Variants in ITGA1 observed in about 807,000 individuals in gnomAD.
ITGA1 encodes integrin subunit alpha 1, also known as integrin alpha-1.
In ITGA1, 85 loss-of-function variants were observed where a neutral mutation model predicts 145.9. The ratio of observed to expected loss-of-function variants is 0.58; its 90% CI spans 0.49 to 0.70. The LOEUF (loss-of-function observed/expected upper bound fraction) is 0.70, where lower values mean the gene tolerates loss of function less well. ITGA1 is among the 30% of genes least tolerant of loss of function. The pLI is 0.00. For missense variants in ITGA1, 1,351 were observed against 1,418.7 expected, an observed-to-expected ratio of 0.95 and a Z score of 0.77; for synonymous variants, 520 against 495.3, an observed-to-expected ratio of 1.05 and a Z score of -0.66.
intron 7 of ITGA1, among the ~76,000 whole-genome samples, chr5:52,886,977 C>G (rs891180242): frequency 4.6e-5 from 7 of 152,086 alleles, no homozygotes; most frequent in African/African-American, 1.4e-4. Flanking sequence ...CGGGGTTTCA[C>G]CTTCTTAGCC....
intron 27 of ITGA1, among the ~76,000 whole-genome samples, chr5:52,945,665 A>C (rs1205710863): frequency 6.6e-6 from 1 of 152,194 alleles, no homozygotes; most frequent in Non-Finnish European, 1.5e-5. Context: ...TTACACATGC[A>C]GGCACTTCAG....
intron 1 of ITGA1, chr5:52,800,575 G>C: frequency 1.2e-6 from 2 of 1,613,652 alleles, no homozygotes; most frequent in Non-Finnish European, 1.7e-6. Flanking sequence ...CAGCAACCGG[G>C]TCCGCACTAC....
chr5:52,793,810 TA>T (rs2111645466), intron 1 of ITGA1, among the ~76,000 whole-genome samples: 1 of 152,184 alleles, frequency 6.6e-6, no homozygotes, highest in Non-Finnish European at 1.5e-5. Context: ...CCAAATGCTC[TA>T]TCTTTAGAAG....
chr5:52,800,153 GC>G (rs1193342591), intron 1 of ITGA1: 1 of 544,550 alleles, frequency 1.8e-6, no homozygotes, highest in Non-Finnish European at 3.3e-6. Context: ...GTAGATTTTC[GC>G]TGCAGTGTTC....
At chr5:52,932,333 C>A (rs1579727056) in intron 22 of ITGA1, 197 bp downstream of exon 22, 4 of 522,836 alleles carry the variant, frequency 7.7e-6, no homozygotes, top group Non-Finnish European at 1.0e-5. Context: ...TCTCATGCAT[C>A]CTAATGTTTG....
chr5:52,841,309 T>C (rs1749250649), intron 1 of ITGA1, among the ~76,000 whole-genome samples: 1 of 152,196 alleles, frequency 6.6e-6, no homozygotes, highest in South Asian at 2.1e-4. Flanking sequence ...GTATTTGAGA[T>C]TATGATGTCA....
chr5:52,894,569 T>A (rs1262007835), intron 9 of ITGA1, among the ~76,000 whole-genome samples: 2 of 152,118 alleles, frequency 1.3e-5, no homozygotes, highest in Non-Finnish European at 2.9e-5. Flanking sequence ...CTGGCAAAGC[T>A]TCTTTCTTCA....
intron 7 of ITGA1, 65 bp from the exon 8 acceptor site, chr5:52,887,749 GT>G: frequency 6.8e-7 from 1 of 1,481,054 alleles, no homozygotes; most frequent in Non-Finnish European, 9.1e-7. Context: ...TTTTTGTTTA[GT>G]TTTTTACTTT....
intron 26 of ITGA1, among the ~76,000 whole-genome samples, chr5:52,944,501 T>C (rs1254241302): frequency 6.6e-6 from 1 of 152,178 alleles, no homozygotes; most frequent in Non-Finnish European, 1.5e-5. Flanking sequence ...ATTATTTACT[T>C]GATAATTTGG....
chr5:52,929,435 C>A (rs565023369), intron 20 of ITGA1, among the ~76,000 whole-genome samples, 190 bp from the exon 21 acceptor site: 1 of 152,170 alleles, frequency 6.6e-6, no homozygotes, highest in African/African-American at 2.4e-5. Flanking sequence ...TAGACATTCA[C>A]ATTGAAAAAG....
chr5:52,810,472 T>A (rs1008731202), intron 1 of ITGA1, among the ~76,000 whole-genome samples: 3 of 152,208 alleles, frequency 2.0e-5, no homozygotes, highest in Admixed American at 2.0e-4. Flanking sequence ...GGATTGGATA[T>A]GGTAGAAGGA....
At chr5:52,790,448 C>G (rs1350064182) in intron 1 of ITGA1, among the ~76,000 whole-genome samples, 1 of 152,192 alleles carries the variant, frequency 6.6e-6, no homozygotes, top group Non-Finnish European at 1.5e-5. Flanking sequence ...TCAGAAGTAT[C>G]ACTGGGCTAG....
At chr5:52,829,486 CG>C (rs1335061962) in intron 1 of ITGA1, among the ~76,000 whole-genome samples, 2 of 152,064 alleles carry the variant, frequency 1.3e-5, no homozygotes, top group African/African-American at 4.8e-5. Flanking sequence ...AAAAAATTCA[CG>C]GGATGCTCAC....
At chr5:52,946,494 A>G (rs1751137490) in intron 27 of ITGA1, among the ~76,000 whole-genome samples, 1 of 152,236 alleles carries the variant, frequency 6.6e-6, no homozygotes, top group Admixed American at 6.5e-5. Context: ...ATGCATATAC[A>G]AATCTCTCCC....
At chr5:52,892,927 T>C (rs941857381) in intron 8 of ITGA1, among the ~76,000 whole-genome samples, 3 of 152,144 alleles carry the variant, frequency 2.0e-5, no homozygotes, top group Non-Finnish European at 4.4e-5. Context: ...CACAACTATA[T>C]TGGTTTGTCA....
At position 52,881,926 on chromosome 5, in the gene ITGA1, G is replaced by A. The variant is rs1035708793; in HGVS notation, c.678G>A (p.Lys226=). 1 of 1,613,894 alleles carries A rather than the reference G, an allele frequency of 6.2e-7. No individual in the cohort carries two copies. The highest frequency in any genetic ancestry group is 1.1e-5 in the South Asian group (1 of 91,040). ...TGACCCATGAGTTCAACCTCAATAA[G>A]TATTCTTCCACCGAAGAGGTACTTG... ...ENVTHEFNLN[K]YSSTEEVLVA... is the part of the protein sequence containing the mutation. Residue 226 remains lysine, a synonymous_variant, in exon 7 of 29, where the codon AAG becomes AAA. Transcript: ENST00000282588.
At chr5:52,925,584 T>C (rs1750793728) in intron 19 of ITGA1, 97 bp downstream of exon 19, 4 of 922,796 alleles carry the variant, frequency 4.3e-6, no homozygotes, top group African/African-American at 1.7e-5. Context: ...AGATTGATTT[T>C]GAAAGAATAG....
At chr5:52,898,156 C>A (rs1750258641) in intron 10 of ITGA1, 83 bp from the exon 11 acceptor site, 3 of 891,602 alleles carry the variant, frequency 3.4e-6, no homozygotes, top group African/African-American at 1.7e-5. Context: ...GAACAGTATA[C>A]CTATACACAT....
chr5:52,910,598 A>C (rs1434132849), intron 14 of ITGA1, among the ~76,000 whole-genome samples, 179 bp downstream of exon 14: 2 of 146,978 alleles, frequency 1.4e-5, no homozygotes, highest in Non-Finnish European at 3.0e-5. Flanking sequence ...TACACACACA[A>C]ACAAACTATA....
Sources: gnomAD v4.1 joint callset for allele counts (sites outside exome capture counted in the v4.1 genomes callset) on GRCh38, gnomAD v4.1.1 for gene constraint, MANE v1.5 for transcripts, NCBI Gene and HGNC (gene_info 2026-07-23, HGNC 2026-07-21) for gene names.